TRIM36: variants seen among roughly 807,000 people sequenced by gnomAD.
TRIM36 encodes E3 ubiquitin-protein ligase TRIM36.
A neutral mutation model predicts 72.4 loss-of-function variants in TRIM36; 42 were observed. The ratio of observed to expected loss-of-function variants is 0.58; its 90% confidence interval spans 0.45 to 0.75. The LOEUF (loss-of-function observed/expected upper bound fraction) is 0.75, where lower values mean the gene tolerates loss of function less well. TRIM36 is among the 30% of genes least tolerant of loss of function. The pLI is 0.00. For synonymous variants in TRIM36, 315 were observed against 282.8 expected (o/e 1.11, Z -1.14); for missense variants, 913 against 857.1 (o/e 1.07, Z -0.81).
In TRIM36 at chr5:115,126,709, G is replaced by A. The variant is rs766317936; in HGVS notation, c.1945C>T (p.Pro649Ser). Reference sequence around the variant, plus strand: ...AAAATCCCAATACTTGTTGGCATAGGGAGAACTCTATTTTCAGGTTCATTA... The same window carrying A: ...AAAATCCCAATACTTGTTGGCATAGAGAGAACTCTATTTTCAGGTTCATTA... ...SSNEPENRVL[P>S]MPTSIGIFLD... The change falls in exon 10 of 10, where the codon CCT (proline) becomes TCT (serine). Residue 649 changes from proline (P) to serine (S), a missense_variant. Physicochemically the swap from Pro to Ser is moderately conservative, Grantham distance 74. Coordinates refer to ENST00000513154, the MANE Select transcript of TRIM36 (RefSeq NM_001300759.2). 2.5e-6 allele frequency: 4 copies of A among 1,614,014 alleles called. No individual in the cohort carries two copies. Among genetic ancestry groups the A allele is most frequent in the East Asian group, 2.2e-5 (1 of 44,886 alleles).
At chr5:115,148,396 C>T (rs1580672270) in intron 2 of TRIM36, 12 of 963,450 alleles carry the variant, frequency 1.2e-5, no homozygotes, top group African/African-American at 1.8e-5. Flanking sequence ...TATCACATTC[C>T]CTCATTTGTA....
chr5:115,163,538 A>G lies in TRIM36; in HGVS notation c.242T>C (p.Ile81Thr). The change falls in exon 2 of 10, where the codon ATT (isoleucine) becomes ACT (threonine). Residue 81 changes from isoleucine (I) to threonine (T), a missense_variant. By Grantham distance (89) the Ile-to-Thr change is moderately conservative. Coordinates refer to ENST00000513154, the MANE Select transcript of TRIM36 (RefSeq NM_001300759.2). ...CATACCTGGTCTGTTAATTCGGTCA[A>G]TTTTATCCATACTAGGGGAGGGGAG... ...LRLPSPSMDKIDRINRPGWKR... is the reference protein window; with the variant it reads ...LRLPSPSMDKTDRINRPGWKR... 6.2e-7 allele frequency: 1 copy of G among 1,614,150 alleles called. No homozygotes were observed. The highest frequency in any genetic ancestry group is 8.5e-7 in the Non-Finnish European group (1 of 1,180,020).
At chr5:115,174,298 T>C (rs187926611), upstream of TRIM36, 27 of 152,324 alleles carry the variant, frequency 1.8e-4, no homozygotes, top group Admixed American at 1.1e-3. Context: ...TATGGCCACA[T>C]ATTCCCTAAA....
At chr5:115,132,196 G>A (rs1465864812) in intron 8 of TRIM36, among the ~76,000 whole-genome samples, 2 of 149,596 alleles carry the variant, frequency 1.3e-5, no homozygotes, top group East Asian at 3.9e-4. Context: ...GTGTGTGTGT[G>A]TGTGTGTGTA....
At chr5:115,157,110 T>A (rs1754213736) in intron 2 of TRIM36, among the ~76,000 whole-genome samples, 1 of 150,936 alleles carries the variant, frequency 6.6e-6, no homozygotes, top group Non-Finnish European at 1.5e-5. Context: ...AAAACCACAA[T>A]GTGATACCAC....
chr5:115,128,077 T>A (rs1026474298), intron 9 of TRIM36, among the ~76,000 whole-genome samples: 1 of 117,406 alleles, frequency 8.5e-6, no homozygotes, highest in Non-Finnish European at 1.9e-5. Context: ...AGAACAAGGC[T>A]ATAAAAAAAA....
intron 2 of TRIM36, among the ~76,000 whole-genome samples, chr5:115,150,884 A>G (rs948761738): frequency 6.6e-6 from 1 of 152,208 alleles, no homozygotes; most frequent in African/African-American, 2.4e-5. Context: ...AACCCCTGGA[A>G]GCTCACTGGG....
intron 1 of TRIM36, among the ~76,000 whole-genome samples, chr5:115,166,466 T>A (rs552336502): frequency 6.6e-6 from 1 of 152,214 alleles, no homozygotes; most frequent in East Asian, 1.9e-4. Flanking sequence ...AGAGCTGCAG[T>A]TGTCGGGAGG....
At chr5:115,161,237 T>C (rs771776867) in intron 2 of TRIM36, among the ~76,000 whole-genome samples, 16 of 152,288 alleles carry the variant, frequency 1.1e-4, no homozygotes, top group Non-Finnish European at 1.8e-4. Flanking sequence ...TCGCTCATTG[T>C]TCTTAACCAT....
intron 1 of TRIM36, 40 bp downstream of exon 1, chr5:115,169,568 C>T: frequency 1.3e-6 from 2 of 1,498,996 alleles, no homozygotes; most frequent in Non-Finnish European, 1.8e-6. Flanking sequence ...GGTCGGCACA[C>T]CGCCCTCGAG....
chr5:115,146,647 T>C (rs1293449747), intron 3 of TRIM36, among the ~76,000 whole-genome samples: 1 of 152,232 alleles, frequency 6.6e-6, no homozygotes, highest in Non-Finnish European at 1.5e-5. Context: ...CTTTTATTCA[T>C]TGTACAATTT....
At chr5:115,173,522 A>ATGTG (rs57515389), upstream of TRIM36, among the ~76,000 whole-genome samples, 1,441 of 148,482 alleles carry the variant, frequency 9.7e-3, 31 homozygotes, top group African/African-American at 0.031. Context: ...GTGTATTTGA[A>ATGTG]TGTGTGTGTG....
At chr5:115,128,097 G>GGGC (rs1554060401) in intron 9 of TRIM36, among the ~76,000 whole-genome samples, 1 of 147,668 alleles carries the variant, frequency 6.8e-6, no homozygotes. Context: ...ATTGGGGGGG[G>GGGC]CCAGGAGTGG....
chr5:115,134,197 A>AT, intron 7 of TRIM36, 50 bp from the exon 8 acceptor site: 2 of 1,474,162 alleles, frequency 1.4e-6, no homozygotes, highest in African/African-American at 2.8e-5. Context: ...GACATTTGAA[A>AT]ACCAGTGTTT....
chr5:115,163,626 G>A lies in TRIM36; in HGVS notation c.154C>T (p.Leu52Phe), dbSNP rs1311909616. 3.1e-6 allele frequency: 5 copies of A among 1,614,052 alleles called. No individual in the cohort carries two copies. The African/African-American group carries it at 6.7e-5, about 22-fold the overall frequency. ...CCCACATCGTTGAATGAATCATCGA[G>A]AGTCAGCAGGAGTTCTTTTACACAT... ...HKCVKELLLT[L>F]DDSFNDVGSD... The change falls in exon 2 of 10, where the codon CTC becomes TTC. Residue 52 changes from leucine (L) to phenylalanine (F), a missense_variant. Transcript: ENST00000513154.
At chr5:115,144,126 G>A (rs567024991) in intron 4 of TRIM36, among the ~76,000 whole-genome samples, 247 of 151,870 alleles carry the variant, frequency 1.6e-3, no homozygotes, top group African/African-American at 4.8e-3. Context: ...CGCCCGCCTC[G>A]GCCTCCCAAA....
At chr5:115,152,051 A>G (rs1022183527) in intron 2 of TRIM36, among the ~76,000 whole-genome samples, 11 of 152,230 alleles carry the variant, frequency 7.2e-5, no homozygotes, top group African/African-American at 2.7e-4. Flanking sequence ...AAAAGAATCC[A>G]GAAGGTTACT....
intron 2 of TRIM36, 63 bp downstream of exon 2, chr5:115,163,455 C>T (rs1754592457): frequency 7.3e-7 from 1 of 1,374,164 alleles, no homozygotes; most frequent in Non-Finnish European, 1.0e-6. Context: ...TTCCAGTTAC[C>T]ACTGAATATA....
chr5:115,130,818 G>T lies in TRIM36; in HGVS notation c.1570C>A (p.Arg524Ser), dbSNP rs757552514. The T allele has an allele frequency of 6.2e-7, 1 of 1,613,868 alleles. No homozygotes were observed. The highest frequency in any genetic ancestry group is 1.3e-5 in the African/African-American group (1 of 74,884). The part of the protein sequence containing the change: ...EHLLLNLKRD[R>S]VESRAGFNLL... ...TTAAATCCAGCTCTACTCTCTACAC[G>T]GTCTCTCTTCAAGTTCAGCAGGAGG... Residue 524 changes from arginine to serine, a missense_variant, in exon 9 of 10, where the codon CGT becomes AGT. Coordinates refer to ENST00000513154, the MANE Select transcript of TRIM36 (RefSeq NM_001300759.2).
Sources: allele counts gnomAD v4.1 joint callset (sites outside exome capture counted in the v4.1 genomes callset), GRCh38; gene constraint gnomAD v4.1.1; transcripts MANE v1.5; gene names NCBI Gene and HGNC (gene_info 2026-07-23, HGNC 2026-07-21).